SLC7A11: variants seen among roughly 807,000 people sequenced by gnomAD.
SLC7A11 encodes the protein solute carrier family 7 member 11, also known as cystine/glutamate transporter.
A neutral mutation model predicts 54.5 loss-of-function variants in SLC7A11; 35 were observed. The observed-to-expected ratio is 0.64, with a 90% CI of 0.49 to 0.85. SLC7A11 has a LOEUF of 0.85. SLC7A11 is among the 40% of genes least tolerant of loss of function. The pLI is 0.00. For synonymous variants in SLC7A11, 230 were observed against 225.2 expected, an observed-to-expected ratio of 1.02 and a Z score of -0.19; for missense variants, 583 against 618.1, an observed-to-expected ratio of 0.94 and a Z score of 0.60.
chr4:138,203,258 C>A (rs1560728053), intron 6 of SLC7A11, among the ~76,000 whole-genome samples: 1 of 152,030 alleles, frequency 6.6e-6, no homozygotes, highest in South Asian at 2.1e-4. Flanking sequence ...TTTTTTCAAC[C>A]TGAATATCCC....
At chr4:138,218,465 C>T (rs1228393052) in intron 5 of SLC7A11, among the ~76,000 whole-genome samples, 3 of 152,170 alleles carry the variant, frequency 2.0e-5, no homozygotes, top group Non-Finnish European at 1.5e-5. Flanking sequence ...ATCATCTCAA[C>T]TAAATCTTAC....
chr4:138,168,171 C>CA lies in SLC7A11; in HGVS notation c.*3784dup, dbSNP rs1221323159. The CA allele has an allele frequency of 6.6e-6, 1 of 152,106 alleles. No individual in the cohort carries two copies. The highest frequency in any genetic ancestry group is 2.4e-5 in the African/African-American group (1 of 41,434). The allele number at this position is 152,106 out of a possible 1,614,324, so 9.4% of individuals were successfully genotyped here. A position where few individuals can be genotyped will look rare whatever the true frequency, so the allele number is the denominator to read the frequency against. ...CTGGTCTTCTTCAACAAAATTAGTA[C>CA]AGAATTCCTAATACAAAGTTAGGTT... On this transcript the variant is annotated 3_prime_UTR_variant, in exon 12 of 12. Transcript: ENST00000280612.
intron 4 of SLC7A11, among the ~76,000 whole-genome samples, chr4:138,222,773 C>A (rs1468402536): frequency 6.6e-6 from 1 of 152,034 alleles, no homozygotes; most frequent in Non-Finnish European, 1.5e-5. Context: ...GAATAATAAC[C>A]AGAAAGTCAA....
intron 5 of SLC7A11, among the ~76,000 whole-genome samples, chr4:138,218,521 G>T (rs1210906994): frequency 6.6e-6 from 1 of 152,152 alleles, no homozygotes; most frequent in Non-Finnish European, 1.5e-5. Flanking sequence ...TCTTATCCAT[G>T]ATTACATGAT....
chr4:138,219,459 T>C, intron 4 of SLC7A11, 94 bp from the exon 5 acceptor site: 1 of 712,480 alleles, frequency 1.4e-6, no homozygotes, highest in Non-Finnish European at 2.5e-6. Context: ...AAACATACTG[T>C]TGTAAGTCTA....
chr4:138,174,190 C>G (rs952789654), intron 11 of SLC7A11, among the ~76,000 whole-genome samples: 1 of 152,146 alleles, frequency 6.6e-6, no homozygotes, highest in Non-Finnish European at 1.5e-5. Flanking sequence ...TATTCAGGGA[C>G]CCCCAGATGT....
chr4:138,201,580 T>C (rs1239713074), intron 6 of SLC7A11, among the ~76,000 whole-genome samples: 3 of 152,242 alleles, frequency 2.0e-5, no homozygotes, highest in Admixed American at 6.5e-5. Flanking sequence ...TCATTTCCCA[T>C]GGCCGGGTGT....
At chr4:138,227,691 C>T (rs1010248346) in intron 3 of SLC7A11, among the ~76,000 whole-genome samples, 2 of 152,144 alleles carry the variant, frequency 1.3e-5, no homozygotes, top group Admixed American at 6.5e-5. Flanking sequence ...CATTAGTTCC[C>T]AGGCAACAAT....
intron 5 of SLC7A11, among the ~76,000 whole-genome samples, chr4:138,217,362 A>G (rs191419595): frequency 3.9e-5 from 6 of 152,320 alleles, no homozygotes; most frequent in Admixed American, 1.3e-4. Flanking sequence ...AGATTCATGT[A>G]AACCCCTTTT....
intron 1 of SLC7A11, among the ~76,000 whole-genome samples, chr4:138,238,771 T>G (rs1027689081): frequency 1.3e-5 from 2 of 151,956 alleles, no homozygotes; most frequent in Non-Finnish European, 2.9e-5. Flanking sequence ...AGCTAAATTT[T>G]TGTGTATTTT....
chr4:138,205,739 G>A (rs895889335), intron 6 of SLC7A11, among the ~76,000 whole-genome samples: 2 of 151,980 alleles, frequency 1.3e-5, no homozygotes, highest in Non-Finnish European at 2.9e-5. Context: ...GGTAGCTTAC[G>A]TGCATAAATA....
At position 138,168,591 on chromosome 4, in the gene SLC7A11, G is replaced by T. The variant is rs1467309919; in HGVS notation, c.*3365C>A. ...ATTGATATGTCAAATTGTAATTGGG[G>T]AAACAATTTTACCAGACACATAAGA... On this transcript the variant is annotated 3_prime_UTR_variant, in exon 12 of 12. Transcript: ENST00000280612. 4 of 152,262 alleles carry T rather than the reference G, an allele frequency of 2.6e-5. No individual in the cohort carries two copies. The East Asian group carries it at 7.7e-4, about 29-fold the overall frequency. The allele number at this position is 152,262 out of a possible 1,614,324, so 9.4% of individuals were successfully genotyped here.
chr4:138,235,506 C>T (rs10519451), intron 2 of SLC7A11, among the ~76,000 whole-genome samples: 49,753 of 151,914 alleles, frequency 0.33, 8,756 homozygotes, highest in East Asian at 0.45. Context: ...CTCACATGAA[C>T]TCTCAATCAC....
intron 6 of SLC7A11, among the ~76,000 whole-genome samples, chr4:138,197,460 T>C (rs565857072): frequency 1.3e-5 from 2 of 152,194 alleles, no homozygotes; most frequent in South Asian, 2.1e-4. Flanking sequence ...TTAGTTAACA[T>C]TTTTTAAATC....
At chr4:138,196,355 C>G (rs1737131554) in intron 6 of SLC7A11, among the ~76,000 whole-genome samples, 2 of 152,070 alleles carry the variant, frequency 1.3e-5, no homozygotes, top group African/African-American at 4.8e-5. Flanking sequence ...CCTCACTAAT[C>G]TAGAGAAACC....
chr4:138,226,080 G>C (rs1458040879), intron 3 of SLC7A11, among the ~76,000 whole-genome samples: 4 of 152,068 alleles, frequency 2.6e-5, no homozygotes, highest in Non-Finnish European at 5.9e-5. Context: ...ACTTTGTAAA[G>C]TTTTCTTAGG....
At chr4:138,180,381 A>T (rs1736706589) in intron 10 of SLC7A11, among the ~76,000 whole-genome samples, 1 of 152,136 alleles carries the variant, frequency 6.6e-6, no homozygotes, top group Non-Finnish European at 1.5e-5. Context: ...AAAAATCAAC[A>T]TACCAAACAT....
chr4:138,201,290 C>T lies in SLC7A11; in HGVS notation c.791+13295G>A, dbSNP rs370335727. On this transcript the variant is annotated intron_variant, in intron 6 of 11. Transcript: ENST00000280612. ...TAAAACAGTGGCCTTTGTATTTGAT[C>T]ACTGCATTCTCAATAATATGTATCA... Among the ~76,000 whole-genome samples, 10 of 151,926 alleles carry T rather than the reference C, an allele frequency of 6.6e-5. 1 individual carries two copies. The highest frequency in any genetic ancestry group is 2.4e-4 in the African/African-American group (10 of 41,372).
intron 11 of SLC7A11, among the ~76,000 whole-genome samples, chr4:138,174,102 G>C (rs1462276338): frequency 6.6e-6 from 1 of 152,094 alleles, no homozygotes; most frequent in Non-Finnish European, 1.5e-5. Context: ...AGATCCTCCT[G>C]CCCATAGCCT....
Sources: gnomAD v4.1 joint callset for allele counts (sites outside exome capture counted in the v4.1 genomes callset) on GRCh38, gnomAD v4.1.1 for gene constraint, MANE v1.5 for transcripts, NCBI Gene and HGNC (gene_info 2026-07-23, HGNC 2026-07-21) for gene names.